Variants in DDX10 observed in about 807,000 individuals in gnomAD.
DDX10 encodes the protein DEAD-box helicase 10.
In DDX10, 74 loss-of-function variants were observed where a neutral mutation model predicts 104.3. That is an observed-to-expected ratio of 0.71 (90% CI 0.59 to 0.86). The LOEUF is 0.86. Among genes scored for constraint, DDX10 ranks in the 40% least tolerant of loss-of-function variants. The probability of loss-of-function intolerance (pLI) is 0.00; values close to 1 mark genes in which losing one functional copy is unlikely to be tolerated. For missense variants in DDX10, 952 were observed against 1,040.0 expected, an observed-to-expected ratio of 0.92 and a Z score of 1.16; for synonymous variants, 351 against 353.4, an observed-to-expected ratio of 0.99 and a Z score of 0.08.
intron 13 of DDX10, among the ~76,000 whole-genome samples, chr11:108,805,456 A>T (rs1196905307): frequency 6.6e-6 from 1 of 152,272 alleles, no homozygotes; most frequent in Non-Finnish European, 1.5e-5. Context: ...AAGAATAAGC[A>T]TATACAGAAG....
chr11:108,695,760 G>GTTTTTTTTTTTTTTTTTTTTTTTT (rs34985675), intron 9 of DDX10, among the ~76,000 whole-genome samples: 4 of 139,124 alleles, frequency 2.9e-5, no homozygotes, highest in Non-Finnish European at 1.6e-5. Flanking sequence ...GTGTTTAAGT[G>GTTTTTTTTTTTTTTTTTTTTTTTT]TTTTTTTTTT....
chr11:108,699,006 A>G (rs1294997132), intron 9 of DDX10, among the ~76,000 whole-genome samples: 2 of 152,146 alleles, frequency 1.3e-5, no homozygotes, highest in Non-Finnish European at 2.9e-5. Flanking sequence ...CCTGCTTGAC[A>G]TTCCTTTCTC....
intron 13 of DDX10, among the ~76,000 whole-genome samples, chr11:108,772,140 G>A (rs972218692): frequency 5.9e-5 from 9 of 152,348 alleles, no homozygotes; most frequent in Middle Eastern, 3.4e-3. Flanking sequence ...TGCTTTATGC[G>A]TAGTTGTCAC....
At chr11:108,775,035 T>A (rs2094368087) in intron 13 of DDX10, among the ~76,000 whole-genome samples, 1 of 152,238 alleles carries the variant, frequency 6.6e-6, no homozygotes, top group African/African-American at 2.4e-5. Context: ...ACCAACTAGG[T>A]CTATGAGTGA....
At chr11:108,856,091 AGAGCTCTCAGAATAG>A (rs1316376031) in intron 16 of DDX10, among the ~76,000 whole-genome samples, 3 of 152,194 alleles carry the variant, frequency 2.0e-5, no homozygotes, top group Non-Finnish European at 4.4e-5. Context: ...TGTTGAAGTT[AGAGCTCTCAGAATAG>A]GAGGTCTGAA....
At chr11:108,750,688 C>T (rs1342562664) in intron 13 of DDX10, among the ~76,000 whole-genome samples, 3 of 151,386 alleles carry the variant, frequency 2.0e-5, no homozygotes, top group South Asian at 2.1e-4. Context: ...TGTTATGGTA[C>T]GAATTGAATT....
chr11:108,777,740 G>A (rs1261987371), intron 13 of DDX10, among the ~76,000 whole-genome samples: 1 of 152,192 alleles, frequency 6.6e-6, no homozygotes, highest in South Asian at 2.1e-4. Context: ...GTTAGGAAAG[G>A]AGGAAGTCAA....
At chr11:108,785,310 C>T (rs1861775526) in intron 13 of DDX10, among the ~76,000 whole-genome samples, 1 of 152,094 alleles carries the variant, frequency 6.6e-6, no homozygotes, top group Non-Finnish European at 1.5e-5. Context: ...TTTTGATGTG[C>T]TGTTAGATTT....
chr11:108,904,167 G>T (rs1419366256), intron 16 of DDX10, among the ~76,000 whole-genome samples: 1 of 152,072 alleles, frequency 6.6e-6, no homozygotes, highest in Non-Finnish European at 1.5e-5. Flanking sequence ...AGTTGGAAAT[G>T]ACCCTATTCT....
chr11:108,825,259 A>G (rs1463981983), intron 13 of DDX10, among the ~76,000 whole-genome samples: 4 of 152,196 alleles, frequency 2.6e-5, no homozygotes, highest in African/African-American at 7.2e-5. Context: ...GAGGGAATGC[A>G]TATCTGGAAA....
At chr11:108,772,770 C>G (rs1455146048) in intron 13 of DDX10, among the ~76,000 whole-genome samples, 1 of 152,118 alleles carries the variant, frequency 6.6e-6, no homozygotes, top group Admixed American at 6.5e-5. Flanking sequence ...CATAGGCGCT[C>G]GATCCCTATT....
At chr11:108,691,744 A>C (rs2094252768) in intron 7 of DDX10, 132 bp from the exon 8 acceptor site, 1 of 603,522 alleles carries the variant, frequency 1.7e-6, no homozygotes, top group African/African-American at 1.9e-5. Flanking sequence ...GAGTTTCTTT[A>C]CTTTTTTTAC....
At chr11:108,701,149 T>C (rs1417447871) in intron 9 of DDX10, among the ~76,000 whole-genome samples, 4 of 152,132 alleles carry the variant, frequency 2.6e-5, no homozygotes, top group African/African-American at 9.7e-5. Flanking sequence ...TTTTTAAATC[T>C]AGTATAGAAT....
intron 16 of DDX10, among the ~76,000 whole-genome samples, chr11:108,888,573 C>T (rs1237951647): frequency 1.3e-5 from 2 of 152,162 alleles, no homozygotes; most frequent in Non-Finnish European, 2.9e-5. Flanking sequence ...TCTGCGCACA[C>T]AGACTCCTGA....
chr11:108,780,988 C>T (rs951593327), intron 13 of DDX10, among the ~76,000 whole-genome samples: 1 of 152,080 alleles, frequency 6.6e-6, no homozygotes, highest in Non-Finnish European at 1.5e-5. Context: ...TATATGATTG[C>T]TACATGGATG....
At chr11:108,775,637 C>G (rs2094368892) in intron 13 of DDX10, among the ~76,000 whole-genome samples, 1 of 152,118 alleles carries the variant, frequency 6.6e-6, no homozygotes, top group African/African-American at 2.4e-5. Context: ...TTAGATATAG[C>G]TATGATATTA....
intron 16 of DDX10, among the ~76,000 whole-genome samples, chr11:108,865,219 G>T (rs971119761): frequency 1.3e-5 from 2 of 152,144 alleles, no homozygotes; most frequent in Admixed American, 1.3e-4. Flanking sequence ...GGGTCCGACA[G>T]CCTGGGACCC....
chr11:108,828,670 G>C (rs1194968207), intron 13 of DDX10, among the ~76,000 whole-genome samples: 1 of 152,192 alleles, frequency 6.6e-6, no homozygotes, highest in Non-Finnish European at 1.5e-5. Flanking sequence ...CGTCGCCCAG[G>C]CTGGAGTGCA....
chr11:108,911,065 G>C (rs76512223), intron 16 of DDX10, among the ~76,000 whole-genome samples: 1,720 of 152,218 alleles, frequency 0.011, 30 homozygotes, highest in African/African-American at 0.04. Context: ...ATTCGCTCTT[G>C]ATTGACTGCT....
Sources: allele counts gnomAD v4.1 joint callset (sites outside exome capture counted in the v4.1 genomes callset), GRCh38; gene constraint gnomAD v4.1.1; transcripts MANE v1.5; gene names NCBI Gene and HGNC (gene_info 2026-07-23, HGNC 2026-07-21).